Variants in OR6Y1 observed in about 807,000 individuals in gnomAD.
OR6Y1 encodes olfactory receptor family 6 subfamily Y member 1, also known as olfactory receptor 6Y1.
In OR6Y1, 1 loss-of-function variant was observed where a neutral mutation model predicts 0.4. That is an observed-to-expected ratio of 2.74 (90% CI 0.97 to 13.02). The LOEUF is 13.02. Among genes scored for constraint, OR6Y1 ranks in the 30% most tolerant of loss-of-function variants. OR6Y1 has a pLI of 0.12. For synonymous variants in OR6Y1, 173 were observed against 141.1 expected, an observed-to-expected ratio of 1.23 and a Z score of -1.60; for missense variants, 480 against 399.8, an observed-to-expected ratio of 1.20 and a Z score of -1.71.
In OR6Y1 at chr1:158,545,060, G is replaced by A. The variant is rs907382545; in HGVS notation, c.*2068C>T. 5 of 152,070 alleles carry A rather than the reference G, an allele frequency of 3.3e-5. No individual in the cohort carries two copies. The highest frequency in any genetic ancestry group is 2.1e-4 in the South Asian group (1 of 4,832). 9.4% of individuals were successfully genotyped at this position (152,070 alleles called of 1,614,324 possible). On this transcript the variant is annotated 3_prime_UTR_variant, in exon 2 of 2. Transcript: ENST00000641622. ...CCTTTAGGTATATACCCAGTAATGG[G>A]ATTGCTGGGTCAAATGGTATTTCTG...
Position 158,554,391 on chromosome 1 carries a change from T to C in OR6Y1, c.-1558A>G, listed in dbSNP as rs567469519. 6 of 152,380 alleles carry C rather than the reference T, an allele frequency of 3.9e-5. No individual in the cohort carries two copies. The South Asian group carries it at 1.0e-3, about 26-fold the overall frequency. 9.4% of individuals were successfully genotyped at this position (152,380 alleles called of 1,614,324 possible). ...AATGTACATAAGCCTAGAGAGTTTC[T>C]GGGCAAGTCTGGTTCTGTCTCTGCT... is the stretch of plus-strand genomic sequence containing the variant. On this transcript the variant is annotated 5_prime_UTR_variant, in exon 1 of 2. Transcript: ENST00000641622.
intron 1 of OR6Y1, among the ~76,000 whole-genome samples, chr1:158,553,412 A>C (rs1647749634): frequency 6.6e-6 from 1 of 152,166 alleles, no homozygotes; most frequent in South Asian, 2.1e-4. Flanking sequence ...TATTTGAAGG[A>C]GGATACTGAA....
chr1:158,550,671 T>G (rs747249191), intron 1 of OR6Y1, among the ~76,000 whole-genome samples: 1 of 151,718 alleles, frequency 6.6e-6, no homozygotes, highest in Non-Finnish European at 1.5e-5. Flanking sequence ...GTAGATATAG[T>G]AAGGTGTCTA....
chr1:158,544,791 G>A lies in OR6Y1; in HGVS notation c.*2337C>T, dbSNP rs914686372. 1 of 152,094 alleles carries A rather than the reference G, an allele frequency of 6.6e-6. No homozygotes were observed. Among genetic ancestry groups the A allele is most frequent in the Non-Finnish European group, 1.5e-5 (1 of 68,016 alleles). The allele number at this position is 152,094 out of a possible 1,614,324, so 9.4% of individuals were successfully genotyped here. A position where few individuals can be genotyped will look rare whatever the true frequency, so the allele number is the denominator to read the frequency against. On this transcript the variant is annotated 3_prime_UTR_variant, in exon 2 of 2. Coordinates refer to ENST00000641622, the MANE Select transcript of OR6Y1 (RefSeq NM_001005189.2). The stretch of plus-strand genomic sequence containing the variant: ...TACAAGTGAGAATATGTGGTATTTG[G>A]TTTTCTGTTCTTGCATTAGTTTGCT...
At chr1:158,552,240 G>GTATATATATATATATATATATATATATA (rs143313955) in intron 1 of OR6Y1, among the ~76,000 whole-genome samples, 2 of 139,314 alleles carry the variant, frequency 1.4e-5, no homozygotes, top group African/African-American at 5.3e-5. Flanking sequence ...ATATATATAT[G>GTATATATATATATATATATATATATATA]TATATATATA....
chr1:158,546,667 T>G lies in OR6Y1; in HGVS notation c.*461A>C. 1 of 156,174 alleles carries G rather than the reference T, an allele frequency of 6.4e-6. No individual in the cohort carries two copies. Among genetic ancestry groups the G allele is most frequent in the Admixed American group, 6.2e-5 (1 of 16,046 alleles). 9.7% of individuals were successfully genotyped at this position (156,174 alleles called of 1,614,324 possible). A position where few individuals can be genotyped will look rare whatever the true frequency, so the allele number is the denominator to read the frequency against. Reference sequence around the variant, plus strand: ...TATGTGCCACTGTGCCTAACAGGCATTAATTTATGTTGAACTTTTTCTTTT... The same window carrying G: ...TATGTGCCACTGTGCCTAACAGGCAGTAATTTATGTTGAACTTTTTCTTTT... On this transcript the variant is annotated 3_prime_UTR_variant, in exon 2 of 2. Transcript: ENST00000641622.
At position 158,548,947 on chromosome 1, in the gene OR6Y1, C is replaced by T. The variant is rs1011029199; in HGVS notation, c.-842G>A. 2.0e-5 allele frequency: 3 copies of T among 151,492 alleles called. No individual in the cohort carries two copies. The highest frequency in any genetic ancestry group is 7.3e-5 in the African/African-American group (3 of 40,936). 9.4% of individuals were successfully genotyped at this position (151,492 alleles called of 1,614,324 possible). On this transcript the variant is annotated 5_prime_UTR_variant, in exon 2 of 2. Transcript: ENST00000641622. ...CAGTTCCTATGATATTTGCTGTGACCTTTCCAGGCTACTTTACTTACCCCA... is the reference window on the plus strand; with the variant it reads ...CAGTTCCTATGATATTTGCTGTGACTTTTCCAGGCTACTTTACTTACCCCA...
chr1:158,551,743 T>TACACACACAC (rs144175888), intron 1 of OR6Y1, among the ~76,000 whole-genome samples: 6,038 of 139,576 alleles, frequency 0.043, 490 homozygotes, highest in African/African-American at 0.14. Flanking sequence ...TTGTAGTGAT[T>TACACACACAC]ACACACACAC....
chr1:158,547,881 C>G lies in OR6Y1; in HGVS notation c.225G>C (p.Glu75Asp). Reference sequence around the variant, plus strand: ...GGCTGATGACTGTGACATACCACATCTCCAGGAAGGAGAGGTGGCTCAAGA... The same window carrying G: ...GGCTGATGACTGTGACATACCACATGTCCAGGAAGGAGAGGTGGCTCAAGA... ...YFFLSHLSFL[E>D]MWYVTVISPK... The change falls in exon 2 of 2, where the codon GAG (glutamate) becomes GAC (aspartate). Residue 75 changes from glutamate (E) to aspartate (D), a missense_variant. Coordinates refer to ENST00000641622, the MANE Select transcript of OR6Y1 (RefSeq NM_001005189.2). 6.2e-7 allele frequency: 1 copy of G among 1,613,538 alleles called. No homozygotes were observed. The highest frequency in any genetic ancestry group is 8.5e-7 in the Non-Finnish European group (1 of 1,180,016).
Position 158,547,933 on chromosome 1 carries a change from C to A in OR6Y1, c.173G>T (p.Gly58Val). The A allele has an allele frequency of 6.2e-7, 1 of 1,613,442 alleles. No individual in the cohort carries two copies. Among genetic ancestry groups the A allele is most frequent in the South Asian group, 1.1e-5 (1 of 91,074 alleles). ...GAAGTACATGGGCTTATGCAGCTGC[C>A]CATCACTGTGGATAGCTAAGATGAT... ...LLIILAIHSD[G>V]QLHKPMYFFL... The change falls in exon 2 of 2, where the codon GGG becomes GTG. Residue 58 changes from glycine (G) to valine (V), a missense_variant. Gly to Val is a moderately radical substitution (Grantham distance 109). Coordinates refer to ENST00000641622, the MANE Select transcript of OR6Y1 (RefSeq NM_001005189.2).
intron 1 of OR6Y1, among the ~76,000 whole-genome samples, chr1:158,552,698 A>C (rs951950345): frequency 3.9e-5 from 6 of 152,172 alleles, no homozygotes; most frequent in African/African-American, 1.4e-4. Flanking sequence ...AAGTCTTCAA[A>C]AATGGAACAT....
In OR6Y1 at chr1:158,547,133, T is replaced by G. The variant is rs1184134670; in HGVS notation, c.973A>C (p.Ser325Arg). 1.9e-6 allele frequency: 3 copies of G among 1,610,542 alleles called. No homozygotes were observed. Among genetic ancestry groups the G allele is most frequent in the Admixed American group, 3.4e-5 (2 of 59,480 alleles). The change falls in exon 2 of 2, where the codon AGT becomes CGT. Residue 325 changes from serine (S) to arginine (R), a missense_variant. Physicochemically the swap from Ser to Arg is moderately radical, Grantham distance 110. Transcript: ENST00000641622. ...GAAAGGAATCTATACATTTTTTAAC[T>G]ACTGAAAGCCCCATTTCCCTGGGGC... Reference protein sequence around the residue: ...SGPQGNGAFSS With the variant: ...SGPQGNGAFSR
Position 158,546,548 on chromosome 1 carries a change from G to A in OR6Y1, c.*580C>T, listed in dbSNP as rs1031699834. On this transcript the variant is annotated 3_prime_UTR_variant, in exon 2 of 2. Transcript: ENST00000641622. The stretch of plus-strand genomic sequence containing the variant: ...TCATTTATGTTATTTGGAGGGAAGT[G>A]GGTGGGGACTCCCTATGTTGACCAG... 3 of 152,102 alleles carry A rather than the reference G, an allele frequency of 2.0e-5. No homozygotes were observed. The highest frequency in any genetic ancestry group is 4.4e-5 in the Non-Finnish European group (3 of 68,040). 9.4% of individuals were successfully genotyped at this position (152,102 alleles called of 1,614,324 possible).
Position 158,547,828 on chromosome 1 carries a change from T to C in OR6Y1, c.278A>G (p.His93Arg), listed in dbSNP as rs1255316427. 6.2e-7 allele frequency: 1 copy of C among 1,613,634 alleles called. No homozygotes were observed. Among genetic ancestry groups the C allele is most frequent in the Non-Finnish European group, 8.5e-7 (1 of 1,180,022 alleles). The part of the protein sequence containing the change: ...SPKMLVDFLS[H>R]DKSISFNGCM... The stretch of plus-strand genomic sequence containing the variant: ...GCCATTGAAGGAAATACTCTTGTCA[T>C]GACTGAGGAAGTCAACAAGCATCTT... Residue 93 changes from histidine to arginine, a missense_variant, in exon 2 of 2, where the codon CAT (histidine) becomes CGT (arginine). Transcript: ENST00000641622.
At position 158,547,197 on chromosome 1, in the gene OR6Y1, C is replaced by T. The variant is rs142809756; in HGVS notation, c.909G>A (p.Lys303=). The part of the protein sequence containing the change: ...IIYCLRNHEV[K]AALRKTIHCR... Reference sequence around the variant, plus strand: ...AATGTATGGTCTTTCTGAGGGCTGCCTTTACTTCATGGTTCCTCAGACAGT... The same window carrying T: ...AATGTATGGTCTTTCTGAGGGCTGCTTTTACTTCATGGTTCCTCAGACAGT... The change falls in exon 2 of 2, where the codon AAG becomes AAA. Residue 303 remains lysine, a synonymous_variant. Coordinates refer to ENST00000641622, the MANE Select transcript of OR6Y1 (RefSeq NM_001005189.2). 2 of 1,613,582 alleles carry T rather than the reference C, an allele frequency of 1.2e-6. No individual in the cohort carries two copies. The highest frequency in any genetic ancestry group is 1.7e-5 in the Admixed American group (1 of 59,992).
intron 1 of OR6Y1, among the ~76,000 whole-genome samples, chr1:158,551,849 A>C (rs1647712671): frequency 6.7e-6 from 1 of 149,946 alleles, no homozygotes; most frequent in African/African-American, 2.5e-5. Context: ...CCTGAGAGGT[A>C]ATATGATTTA....
Position 158,549,431 on chromosome 1 carries a change from G to A in OR6Y1, c.-1326C>T, listed in dbSNP as rs927192201. ...GCATAAATATGTAGGACAACTAGGG[G>A]ATGGTTTTTTTTTTTTTTTAAGGAA... On this transcript the variant is annotated 5_prime_UTR_variant, in exon 2 of 2. Transcript: ENST00000641622. The A allele has an allele frequency of 2.9e-5, 3 of 103,046 alleles. No individual in the cohort carries two copies. The highest frequency in any genetic ancestry group is 1.4e-4 in the African/African-American group (3 of 22,058). 6.4% of individuals were successfully genotyped at this position (103,046 alleles called of 1,614,324 possible).
In OR6Y1 at chr1:158,551,743, T is replaced by TACAC. The variant is rs144175888; in HGVS notation, c.-1432-2210_-1432-2207dup. ...ACAATTGCTTGTCCATTGTAGTGATTACACACACACACACACACACACAAA... is the reference window on the plus strand; with the variant it reads ...ACAATTGCTTGTCCATTGTAGTGATTACACACACACACACACACACACACACAAA... On this transcript the variant is annotated intron_variant, in intron 1 of 1. Transcript: ENST00000641622. Among the ~76,000 whole-genome samples the TACAC allele has an allele frequency of 5.8e-3, 814 of 139,540 alleles. 8 individuals carry two copies. Among genetic ancestry groups the TACAC allele is most frequent in the East Asian group, 0.011 (54 of 5,062 alleles). 91.5% of individuals were successfully genotyped at this position (139,540 alleles called of 152,430 possible).
rs1407892090 is a variant in OR6Y1, at chr1:158,546,881, CTTCCTGA to C, written c.*240_*246del. On this transcript the variant is annotated 3_prime_UTR_variant, in exon 2 of 2. Transcript: ENST00000641622. ...TCTCTCTGTCTCTCTCTCTGTGTTT[CTTCCTGA>C]TTTCAAATAGCTTTTCTAACATTTT... The C allele has an allele frequency of 4.1e-5, 14 of 339,122 alleles. No homozygotes were observed. The highest frequency in any genetic ancestry group is 7.0e-5 in the Non-Finnish European group (13 of 185,082). The allele number at this position is 339,122 out of a possible 1,614,324, so 21.0% of individuals were successfully genotyped here. A position where few individuals can be genotyped will look rare whatever the true frequency, so the allele number is the denominator to read the frequency against.
Sources: gnomAD v4.1 joint callset for allele counts (sites outside exome capture counted in the v4.1 genomes callset) on GRCh38, gnomAD v4.1.1 for gene constraint, MANE v1.5 for transcripts, NCBI Gene and HGNC (gene_info 2026-07-23, HGNC 2026-07-21) for gene names.